Variants in WWOX observed in about 807,000 individuals in gnomAD.
WWOX encodes WW domain-containing oxidoreductase.
Under a neutral mutation model 46.2 loss-of-function variants are expected in WWOX, and 69 were observed. The ratio of observed to expected loss-of-function variants is 1.49; its 90% CI spans 1.23 to 1.82. The LOEUF (loss-of-function observed/expected upper bound fraction) is 1.82, where lower values mean the gene tolerates loss of function less well. Among genes scored for constraint, WWOX ranks in the 40% most tolerant of loss-of-function variants. The pLI, the probability that WWOX is intolerant of heterozygous loss-of-function variation, is 0.00. For synonymous variants in WWOX, 359 were observed against 202.6 expected (o/e 1.77, Z -6.56); for missense variants, 919 against 542.6 (o/e 1.69, Z -6.89).
At chr16:79,187,831 C>G (rs1050146135) in intron 8 of WWOX, among the ~76,000 whole-genome samples, 1 of 152,246 alleles carries the variant, frequency 6.6e-6, no homozygotes, top group Admixed American at 6.5e-5. Flanking sequence ...CGTGAGCCAC[C>G]ATGCCTGGCC....
chr16:78,629,018 C>G (rs560095917), intron 8 of WWOX, among the ~76,000 whole-genome samples: 1 of 152,274 alleles, frequency 6.6e-6, no homozygotes, highest in South Asian at 2.1e-4. Context: ...GAACCCGTTC[C>G]AAAAACTGGA....
intron 8 of WWOX, among the ~76,000 whole-genome samples, chr16:78,610,328 A>G (rs1279600161): frequency 6.6e-6 from 1 of 152,076 alleles, no homozygotes; most frequent in African/African-American, 2.4e-5. Flanking sequence ...ATAGAGGGGG[A>G]AAAAAAGATT....
chr16:78,553,271 C>T (rs997852118), intron 8 of WWOX: 1 of 152,220 alleles, frequency 6.6e-6, no homozygotes, highest in Non-Finnish European at 1.5e-5. Context: ...GCACATGTAC[C>T]CTGGAACTTA....
At chr16:78,949,282 C>T (rs936683917) in intron 8 of WWOX, among the ~76,000 whole-genome samples, 2 of 152,178 alleles carry the variant, frequency 1.3e-5, no homozygotes, top group African/African-American at 4.8e-5. Flanking sequence ...TTCCAACCCA[C>T]AGCAACTGTG....
intron 8 of WWOX, among the ~76,000 whole-genome samples, chr16:79,150,198 G>A (rs2050252212): frequency 6.6e-6 from 1 of 152,176 alleles, no homozygotes; most frequent in African/African-American, 2.4e-5. Context: ...AGAGGTAGAA[G>A]AGATCCTTTC....
intron 8 of WWOX, among the ~76,000 whole-genome samples, chr16:78,984,170 G>A (rs950008809): frequency 2.6e-5 from 4 of 152,052 alleles, no homozygotes; most frequent in African/African-American, 7.2e-5. Context: ...GAGCCATCGC[G>A]CCCGGCCAGA....
intron 8 of WWOX, among the ~76,000 whole-genome samples, chr16:78,941,764 T>C (rs1331311581): frequency 1.3e-5 from 2 of 152,156 alleles, no homozygotes; most frequent in African/African-American, 4.8e-5. Context: ...AAATTATATT[T>C]TTAAAAAAGG....
intron 5 of WWOX, among the ~76,000 whole-genome samples, chr16:78,275,907 C>T (rs533624824): frequency 9.2e-5 from 14 of 152,066 alleles, no homozygotes; most frequent in Admixed American, 4.6e-4. Context: ...TCGAGGAGTG[C>T]ACTGGGAGGG....
intron 8 of WWOX, chr16:79,203,221 G>A (rs1021756247): frequency 2.6e-5 from 4 of 152,200 alleles, no homozygotes; most frequent in East Asian, 1.9e-4. Flanking sequence ...AATTATGGAA[G>A]TAATATAAAT....
At chr16:78,166,357 C>G (rs564627887) in intron 5 of WWOX, among the ~76,000 whole-genome samples, 1 of 152,242 alleles carries the variant, frequency 6.6e-6, no homozygotes, top group Non-Finnish European at 1.5e-5. Flanking sequence ...TCACAGTTCT[C>G]TCTTTCTTGC....
At chr16:78,927,893 G>T (rs1405384393) in intron 8 of WWOX, among the ~76,000 whole-genome samples, 1 of 152,080 alleles carries the variant, frequency 6.6e-6, no homozygotes, top group Non-Finnish European at 1.5e-5. Flanking sequence ...CTTTTACCCA[G>T]ACACTTACAT....
intron 5 of WWOX, among the ~76,000 whole-genome samples, chr16:78,262,026 G>A (rs546590587): frequency 2.1e-5 from 3 of 143,820 alleles, no homozygotes; most frequent in South Asian, 2.2e-4. Context: ...GGAAGCGGAG[G>A]TTGCAGTGAG....
intron 8 of WWOX, among the ~76,000 whole-genome samples, chr16:78,667,101 T>G (rs760829500): frequency 6.6e-6 from 1 of 152,216 alleles, no homozygotes; most frequent in Non-Finnish European, 1.5e-5. Flanking sequence ...GCTTTTTAAA[T>G]TCAGTCACGT....
intron 8 of WWOX, among the ~76,000 whole-genome samples, chr16:78,869,012 C>T (rs1361690253): frequency 6.6e-6 from 1 of 152,026 alleles, no homozygotes; most frequent in Non-Finnish European, 1.5e-5. Context: ...TCACAAAGGC[C>T]AAAGTTTTAA....
intron 5 of WWOX, among the ~76,000 whole-genome samples, chr16:78,232,750 G>C (rs774771347): frequency 2.0e-5 from 3 of 152,200 alleles, no homozygotes; most frequent in Non-Finnish European, 4.4e-5. Flanking sequence ...TTTGAAAAAT[G>C]TAGACTGCTT....
intron 5 of WWOX, among the ~76,000 whole-genome samples, chr16:78,324,758 AT>A (rs1376548924): frequency 3.3e-5 from 4 of 119,750 alleles, no homozygotes; most frequent in Non-Finnish European, 6.5e-5. Context: ...TAGAAAATAG[AT>A]GAGTGATGAC....
intron 8 of WWOX, among the ~76,000 whole-genome samples, chr16:78,528,165 A>ATTTTTTTTTTTT (rs56803717): frequency 3.4e-5 from 2 of 58,400 alleles, no homozygotes; most frequent in African/African-American, 1.7e-4. Context: ...CACCTGGCTA[A>ATTTTTTTTTTTT]TTTTTTTTTT....
chr16:79,069,664 C>T (rs1368409524), intron 8 of WWOX, among the ~76,000 whole-genome samples: 1 of 150,004 alleles, frequency 6.7e-6, no homozygotes, highest in Admixed American at 6.7e-5. Flanking sequence ...ATAAAGAAAA[C>T]ATCTAAATGT....
intron 8 of WWOX, among the ~76,000 whole-genome samples, chr16:79,044,497 T>C (rs2150517645): frequency 6.6e-6 from 1 of 152,260 alleles, no homozygotes; most frequent in Admixed American, 6.5e-5. Context: ...CCACCCTGTC[T>C]CTTGCTCCTG....
Sources: gnomAD v4.1 joint callset for allele counts (sites outside exome capture counted in the v4.1 genomes callset) on GRCh38, gnomAD v4.1.1 for gene constraint, MANE v1.5 for transcripts, NCBI Gene and HGNC (gene_info 2026-07-23, HGNC 2026-07-21) for gene names.